Variants in ATRNL1 observed in about 807,000 individuals in gnomAD.
ATRNL1 encodes attractin-like protein 1.
ATRNL1 carries 95 observed loss-of-function variants against 182.7 expected under a neutral mutation model. That is an observed-to-expected ratio of 0.52 (90% CI 0.44 to 0.62). The LOEUF (loss-of-function observed/expected upper bound fraction) is 0.62, where lower values mean the gene tolerates loss of function less well. ATRNL1 is among the 20% of genes least tolerant of loss of function. ATRNL1 has a pLI of 0.00. For missense variants in ATRNL1, 1,471 were observed against 1,679.5 expected (o/e 0.88, Z 2.17); for synonymous variants, 576 against 568.3 (o/e 1.01, Z -0.19).
At chr10:115,134,467 C>T (rs1372678203) in intron 5 of ATRNL1, among the ~76,000 whole-genome samples, 1 of 151,908 alleles carries the variant, frequency 6.6e-6, no homozygotes, top group Non-Finnish European at 1.5e-5. Context: ...ACACACACAC[C>T]CTCCCAAGAC....
chr10:115,778,380 A>T (rs1949180996), intron 27 of ATRNL1, among the ~76,000 whole-genome samples: 1 of 152,256 alleles, frequency 6.6e-6, no homozygotes, highest in African/African-American at 2.4e-5. Context: ...CCATTTAAAA[A>T]GACCAGATAA....
At chr10:115,572,310 A>G (rs1854442304) in intron 26 of ATRNL1, among the ~76,000 whole-genome samples, 1 of 152,124 alleles carries the variant, frequency 6.6e-6, no homozygotes, top group African/African-American at 2.4e-5. Flanking sequence ...CCCAGGGTAT[A>G]AGAGAAAATA....
intron 26 of ATRNL1, among the ~76,000 whole-genome samples, chr10:115,558,899 T>C (rs2133831164): frequency 6.6e-6 from 1 of 152,254 alleles, no homozygotes; most frequent in African/African-American, 2.4e-5. Flanking sequence ...CTAGCACTTC[T>C]CATCCCCCCA....
intron 8 of ATRNL1, among the ~76,000 whole-genome samples, chr10:115,198,525 G>A (rs1848442824): frequency 6.6e-6 from 1 of 151,998 alleles, no homozygotes; most frequent in African/African-American, 2.4e-5. Context: ...AATATCATTT[G>A]TCTACTTTTG....
At chr10:115,707,981 A>T (rs1593101012) in intron 26 of ATRNL1, among the ~76,000 whole-genome samples, 1 of 151,756 alleles carries the variant, frequency 6.6e-6, no homozygotes, top group Non-Finnish European at 1.5e-5. Flanking sequence ...CATTAATTTA[A>T]TTTTTGCCAA....
chr10:115,407,989 T>C (rs1288389238), intron 20 of ATRNL1, among the ~76,000 whole-genome samples: 982 of 56,382 alleles, frequency 0.017, 18 homozygotes, highest in African/African-American at 0.077. Flanking sequence ...GCATTTCTTT[T>C]TTTTTTTTTT....
At chr10:115,713,443 C>CTGTGTGTGTGTGTG (rs140348673) in intron 26 of ATRNL1, among the ~76,000 whole-genome samples, 2 of 117,810 alleles carry the variant, frequency 1.7e-5, no homozygotes, top group Non-Finnish European at 4.0e-5. Context: ...GGGAAAGTGG[C>CTGTGTGTGTGTGTG]TGTGTGTGTG....
intron 8 of ATRNL1, among the ~76,000 whole-genome samples, chr10:115,202,626 C>T (rs1250259020): frequency 9.6e-5 from 14 of 145,300 alleles, no homozygotes; most frequent in South Asian, 2.2e-4. Flanking sequence ...CTGCTGGATT[C>T]GGTTTGCCAG....
At chr10:115,841,641 C>G (rs1950811378) in intron 27 of ATRNL1, among the ~76,000 whole-genome samples, 1 of 152,116 alleles carries the variant, frequency 6.6e-6, no homozygotes, top group Admixed American at 6.6e-5. Flanking sequence ...TGAGTGTCCA[C>G]TAGCTTAATT....
At chr10:115,761,655 T>C (rs1948737283) in intron 27 of ATRNL1, among the ~76,000 whole-genome samples, 1 of 152,162 alleles carries the variant, frequency 6.6e-6, no homozygotes, top group South Asian at 2.1e-4. Context: ...GTGTTGGTGT[T>C]GGGTTTTGTT....
At chr10:115,556,927 C>T (rs910416393) in intron 26 of ATRNL1, among the ~76,000 whole-genome samples, 2 of 151,118 alleles carry the variant, frequency 1.3e-5, no homozygotes, top group Non-Finnish European at 2.9e-5. Context: ...TCTACTGTTC[C>T]ATCCCCATCA....
intron 26 of ATRNL1, among the ~76,000 whole-genome samples, chr10:115,565,741 T>C (rs1335795889): frequency 6.6e-6 from 1 of 152,110 alleles, no homozygotes; most frequent in Non-Finnish European, 1.5e-5. Flanking sequence ...TTAAAAACTT[T>C]AAAAGTCGTT....
At chr10:115,371,532 C>T (rs1554948054) in intron 19 of ATRNL1, among the ~76,000 whole-genome samples, 1 of 152,228 alleles carries the variant, frequency 6.6e-6, no homozygotes, top group East Asian at 1.9e-4. Flanking sequence ...ATTTGACTGT[C>T]TTGCTGGATT....
chr10:115,196,828 A>G (rs1037680726), intron 8 of ATRNL1, among the ~76,000 whole-genome samples: 1 of 152,114 alleles, frequency 6.6e-6, no homozygotes, highest in Admixed American at 6.6e-5. Flanking sequence ...TTCTATATAG[A>G]TGCTCATGTG....
intron 27 of ATRNL1, among the ~76,000 whole-genome samples, chr10:115,802,252 G>C (rs1419726353): frequency 5.0e-4 from 76 of 152,090 alleles, no homozygotes; most frequent in African/African-American, 1.8e-3. Context: ...TGATATTCTG[G>C]GAAAGCTACC....
intron 27 of ATRNL1, among the ~76,000 whole-genome samples, chr10:115,748,706 A>T (rs1296655671): frequency 6.6e-6 from 1 of 151,954 alleles, no homozygotes; most frequent in Non-Finnish European, 1.5e-5. Context: ...AATATGTTGT[A>T]GAATACCATA....
chr10:115,192,508 A>G (rs543624155), intron 8 of ATRNL1, among the ~76,000 whole-genome samples: 1 of 152,206 alleles, frequency 6.6e-6, no homozygotes, highest in African/African-American at 2.4e-5. Flanking sequence ...GCTTTGTAAT[A>G]TAATTTCAAG....
intron 26 of ATRNL1, among the ~76,000 whole-genome samples, chr10:115,680,430 T>C (rs528410689): frequency 1.2e-4 from 18 of 152,254 alleles, no homozygotes; most frequent in African/African-American, 4.3e-4. Context: ...TTCCACTCAG[T>C]TTATTGGCAA....
intron 27 of ATRNL1, among the ~76,000 whole-genome samples, chr10:115,779,770 A>C (rs1247347880): frequency 1.3e-5 from 2 of 152,222 alleles, no homozygotes; most frequent in Non-Finnish European, 2.9e-5. Context: ...TTAGAAGGTA[A>C]TGTTCTGCCT....
Sources: gnomAD v4.1 joint callset for allele counts (sites outside exome capture counted in the v4.1 genomes callset) on GRCh38, gnomAD v4.1.1 for gene constraint, MANE v1.5 for transcripts, NCBI Gene and HGNC (gene_info 2026-07-23, HGNC 2026-07-21) for gene names.